MICALL2: variants seen among roughly 807,000 people sequenced by gnomAD.
MICALL2 encodes MICAL-like protein 2.
A neutral mutation model predicts 91.1 loss-of-function variants in MICALL2; 111 were observed. That is an observed-to-expected ratio of 1.22 (90% CI 1.04 to 1.43). The LOEUF is 1.43. Ranked by LOEUF, MICALL2 falls within the 40% of genes most tolerant of loss-of-function variation. The pLI is 0.00. For missense variants in MICALL2, 1,556 were observed against 1,236.0 expected (o/e 1.26, Z -3.88); for synonymous variants, 694 against 525.3 (o/e 1.32, Z -4.39).
chr7:1,435,867 T>A (rs371548821), intron 15 of MICALL2, among the ~76,000 whole-genome samples: 9 of 151,412 alleles, frequency 5.9e-5, no homozygotes, highest in African/African-American at 1.7e-4. Flanking sequence ...CTGGCTAACA[T>A]GGGGAAACCC....
chr7:1,434,881 G>A (rs1402760950), intron 16 of MICALL2: 9 of 709,782 alleles, frequency 1.3e-5, no homozygotes, highest in Admixed American at 5.7e-5. Flanking sequence ...ATGACCACAC[G>A]GTCACCAGCT....
At chr7:1,448,383 C>T (rs1404416271) in intron 3 of MICALL2, among the ~76,000 whole-genome samples, 1 of 152,172 alleles carries the variant, frequency 6.6e-6, no homozygotes, top group Non-Finnish European at 1.5e-5. Context: ...ATGAGGGCCC[C>T]GGTCCCTCTT....
At position 1,438,200 on chromosome 7, in the gene MICALL2, G is replaced by C; in HGVS notation, c.2208C>G (p.Ser736=). ...SPVRLHPDYL[S]PEEIQRQLQD... is the part of the protein sequence containing the mutation. ...GCAGCTGCCTCTGTATCTCCTCCGG[G>C]GAGAGGTAGTCGGGGTGCAGCTGGG... Residue 736 remains serine (S), a synonymous_variant, in exon 12 of 17, where the codon TCC becomes TCG. Transcript: ENST00000297508. 1 of 1,583,286 alleles carries C rather than the reference G, an allele frequency of 6.3e-7. No individual in the cohort carries two copies.
rs547181765 is a variant in MICALL2, at chr7:1,439,821, G to A, written c.1966+104C>T. The A allele has an allele frequency of 4.5e-4, 461 of 1,026,982 alleles. No individual in the cohort carries two copies. In the African/African-American group the frequency reaches 6.0e-3, roughly 13 times the overall value. 63.6% of individuals were successfully genotyped at this position (1,026,982 alleles called of 1,614,324 possible). A position where few individuals can be genotyped will look rare whatever the true frequency, so the allele number is the denominator to read the frequency against. ...CTCTGGCTGACCGGAGCGCCTCTCC[G>A]CACACCCCAGGAGGTGGCACTACAG... On this transcript the variant is annotated intron_variant, in intron 9 of 16. Coordinates refer to ENST00000297508, the MANE Select transcript of MICALL2 (RefSeq NM_182924.4).
intron 1 of MICALL2, among the ~76,000 whole-genome samples, chr7:1,457,671 C>T (rs993527105): frequency 2.6e-4 from 40 of 152,238 alleles, no homozygotes; most frequent in African/African-American, 8.9e-4. Flanking sequence ...ACGTCTGAGC[C>T]GGCAGGGAGT....
At chr7:1,453,175 C>T (rs1403938902) in intron 1 of MICALL2, among the ~76,000 whole-genome samples, 1 of 152,144 alleles carries the variant, frequency 6.6e-6, no homozygotes, top group African/African-American at 2.4e-5. Context: ...CATTGGAGCC[C>T]TAACCTCCAA....
Position 1,438,082 on chromosome 7 carries a change from G to A in MICALL2, c.2311+15C>T. On this transcript the variant is annotated intron_variant, in intron 12 of 16. Transcript: ENST00000297508. ...TGGGAGTCGGGCTGGCCCAGGGCCAGGCCGAGGCGCTCACCTCCCTCGGCC... is the reference window on the plus strand; with the variant it reads ...TGGGAGTCGGGCTGGCCCAGGGCCAAGCCGAGGCGCTCACCTCCCTCGGCC... 8.9e-6 allele frequency: 14 copies of A among 1,571,356 alleles called. No homozygotes were observed. The highest frequency in any genetic ancestry group is 1.0e-5 in the Non-Finnish European group (12 of 1,159,710).
intron 1 of MICALL2, among the ~76,000 whole-genome samples, chr7:1,454,988 G>T (rs1475472265): frequency 6.6e-6 from 1 of 152,172 alleles, no homozygotes; most frequent in Non-Finnish European, 1.5e-5. Flanking sequence ...GGGTGCAGCA[G>T]AGACCCAACT....
chr7:1,440,720 G>C, intron 7 of MICALL2, 36 bp from the exon 8 acceptor site: 1 of 1,565,004 alleles, frequency 6.4e-7, no homozygotes, highest in South Asian at 1.1e-5. Flanking sequence ...TGTGAGGAAG[G>C]AGTGCTGGGA....
At position 1,439,783 on chromosome 7, in the gene MICALL2, G is replaced by A. The variant is rs1018265930; in HGVS notation, c.1966+142C>T. The A allele has an allele frequency of 6.5e-5, 40 of 613,878 alleles. No homozygotes were observed. The African/African-American group carries it at 7.4e-4, about 11-fold the overall frequency. The allele number at this position is 613,878 out of a possible 1,614,324, so 38.0% of individuals were successfully genotyped here. On this transcript the variant is annotated intron_variant, in intron 9 of 16. Transcript: ENST00000297508. Reference sequence around the variant, plus strand: ...ACACATGTACACACAAGCCTGCCCAGGACTACCAGCTTCTCTGGCTGACCG... The same window carrying A: ...ACACATGTACACACAAGCCTGCCCAAGACTACCAGCTTCTCTGGCTGACCG...
chr7:1,456,589 T>C (rs1781026923), intron 1 of MICALL2, among the ~76,000 whole-genome samples: 1 of 149,728 alleles, frequency 6.7e-6, no homozygotes, highest in African/African-American at 2.5e-5. Context: ...CTGTCTCAAA[T>C]AAATAAATAA....
In MICALL2 at chr7:1,441,733, G is replaced by A. The variant is rs143276572; in HGVS notation, c.1711+459C>T. Reference sequence around the variant, plus strand: ...GTCACCGGGACACCACAGGGGGGACGGGGCATAGGGCACCATCTCCGGTAT... The same window carrying A: ...GTCACCGGGACACCACAGGGGGGACAGGGCATAGGGCACCATCTCCGGTAT... On this transcript the variant is annotated intron_variant, in intron 7 of 16. Coordinates refer to ENST00000297508, the MANE Select transcript of MICALL2 (RefSeq NM_182924.4). 1.5e-3 allele frequency: 300 copies of A among 195,056 alleles called. 1 individual carries two copies. Among genetic ancestry groups the A allele is most frequent in the African/African-American group, 6.8e-3 (284 of 42,066 alleles). 12.1% of individuals were successfully genotyped at this position (195,056 alleles called of 1,614,324 possible).
At position 1,447,568 on chromosome 7, in the gene MICALL2, A is replaced by C; in HGVS notation, c.525+7T>G. Reference sequence around the variant, plus strand: ...AGAACCAGGGGGAGGGTGGGGTGGGAGCTTACAGTCTTGGGGGGCGGGCCC... The same window carrying C: ...AGAACCAGGGGGAGGGTGGGGTGGGCGCTTACAGTCTTGGGGGGCGGGCCC... On this transcript the variant is annotated splice_region_variant and intron_variant, in intron 4 of 16. Coordinates refer to ENST00000297508, the MANE Select transcript of MICALL2 (RefSeq NM_182924.4). The C allele has an allele frequency of 1.3e-6, 2 of 1,483,468 alleles. No individual in the cohort carries two copies. The highest frequency in any genetic ancestry group is 1.8e-6 in the Non-Finnish European group (2 of 1,098,256). The allele number at this position is 1,483,468 out of a possible 1,614,324, so 91.9% of individuals were successfully genotyped here. A position where few individuals can be genotyped will look rare whatever the true frequency, so the allele number is the denominator to read the frequency against.
At chr7:1,437,071 G>C (rs941539371) in intron 14 of MICALL2, 1 of 491,538 alleles carries the variant, frequency 2.0e-6, no homozygotes, top group Non-Finnish European at 3.6e-6. Context: ...CCATCATCTC[G>C]CAGAAACACC....
intron 1 of MICALL2, among the ~76,000 whole-genome samples, chr7:1,453,408 G>A (rs1327216395): frequency 1.3e-5 from 2 of 152,130 alleles, no homozygotes; most frequent in Non-Finnish European, 2.9e-5. Context: ...CAAGGAGAGA[G>A]GCCGGGAAGA....
At position 1,438,101 on chromosome 7, in the gene MICALL2, C is replaced by T. The variant is rs776851571; in HGVS notation, c.2307G>A (p.Glu769=). 41 of 1,567,450 alleles carry T rather than the reference C, an allele frequency of 2.6e-5. No individual in the cohort carries two copies. Among genetic ancestry groups the T allele is most frequent in the Non-Finnish European group, 3.2e-5 (37 of 1,157,202 alleles). The change falls in exon 12 of 17, where the codon GAG becomes GAA. Residue 769 remains glutamate, a synonymous_variant. Coordinates refer to ENST00000297508, the MANE Select transcript of MICALL2 (RefSeq NM_182924.4). ...VELEKRLRAA[E]GDDAEDSLMV... ...GGGCCAGGCCGAGGCGCTCACCTCC[C>T]TCGGCCGCCCGCAGTCGCTTCTCCA... is the stretch of plus-strand genomic sequence containing the variant.
chr7:1,439,704 A>C (rs370778520), intron 9 of MICALL2: 4 of 434,794 alleles, frequency 9.2e-6, no homozygotes, highest in Non-Finnish European at 1.6e-5. Flanking sequence ...TGCATCACGC[A>C]TGGATACAGG....
At chr7:1,448,831 C>T (rs914418864) in intron 2 of MICALL2, 70 bp from the exon 3 acceptor site, 1 of 1,575,284 alleles carries the variant, frequency 6.3e-7, no homozygotes, top group African/African-American at 1.3e-5. Context: ...CCGCAGCTCA[C>T]CTCGACTCAA....
At chr7:1,439,855 C>G (rs748154385) in intron 9 of MICALL2, 70 bp downstream of exon 9, 14 of 1,330,382 alleles carry the variant, frequency 1.1e-5, no homozygotes, top group Non-Finnish European at 1.4e-5. Context: ...AGGTCCAGTC[C>G]CGGGGCCCCC....
Sources: gnomAD v4.1 joint callset for allele counts (sites outside exome capture counted in the v4.1 genomes callset) on GRCh38, gnomAD v4.1.1 for gene constraint, MANE v1.5 for transcripts, NCBI Gene and HGNC (gene_info 2026-07-23, HGNC 2026-07-21) for gene names.